Variants in GLRA3 observed in about 807,000 individuals in gnomAD.
The protein encoded by GLRA3 is glycine receptor subunit alpha-3.
In GLRA3, 44 loss-of-function variants were observed where a neutral mutation model predicts 60.4. That is an observed-to-expected ratio of 0.73 (90% CI 0.57 to 0.94). The LOEUF (loss-of-function observed/expected upper bound fraction) is 0.94. Ranked by LOEUF, GLRA3 falls within the 40% of genes least tolerant of loss-of-function variation. The pLI, the probability that GLRA3 is intolerant of heterozygous loss-of-function variation, is 0.00. For missense variants in GLRA3, 508 were observed against 564.6 expected (o/e 0.90, Z 1.02); for synonymous variants, 223 against 192.9 (o/e 1.16, Z -1.29).
chr4:174,810,072 T>C (rs991005765), intron 1 of GLRA3, among the ~76,000 whole-genome samples: 3 of 152,292 alleles, frequency 2.0e-5, no homozygotes, highest in Admixed American at 1.3e-4. Context: ...GTCTGAGGAC[T>C]CTGGATTCTG....
intron 7 of GLRA3, among the ~76,000 whole-genome samples, chr4:174,676,347 A>G (rs1734115965): frequency 7.3e-6 from 1 of 136,322 alleles, no homozygotes; most frequent in Non-Finnish European, 1.6e-5. Context: ...TATATACCAT[A>G]TTGGGCTCAG....
chr4:174,774,891 G>C (rs1738532572), intron 2 of GLRA3, among the ~76,000 whole-genome samples: 1 of 152,096 alleles, frequency 6.6e-6, no homozygotes, highest in South Asian at 2.1e-4. Context: ...GTTTTTATTT[G>C]TAGTAAATAC....
intron 9 of GLRA3, among the ~76,000 whole-genome samples, chr4:174,649,973 T>A (rs1356850070): frequency 6.6e-6 from 1 of 152,136 alleles, no homozygotes; most frequent in East Asian, 1.9e-4. Flanking sequence ...CAGATCATTG[T>A]CAAAAGTAAG....
At chr4:174,756,045 A>G (rs1737683744) in intron 3 of GLRA3, among the ~76,000 whole-genome samples, 1 of 152,156 alleles carries the variant, frequency 6.6e-6, no homozygotes, top group South Asian at 2.1e-4. Context: ...AAACAAAACT[A>G]TTACAAAACT....
rs892165114 is a variant in GLRA3 at position 174,808,930 on chromosome 4, A to G, written c.71+19811T>C. Among the ~76,000 whole-genome samples the G allele has an allele frequency of 8.5e-5, 13 of 152,218 alleles. 1 individual carries two copies. In the South Asian group the frequency reaches 1.2e-3, roughly 15 times the overall value. On this transcript the variant is annotated intron_variant, in intron 1 of 9. Transcript: ENST00000274093. The stretch of plus-strand genomic sequence containing the variant: ...AAAAATTTAAAAAAATTGAAAGTTT[A>G]TAAAGTAAGAGTTACCGTAAGAAAG...
intron 3 of GLRA3, among the ~76,000 whole-genome samples, chr4:174,766,252 AATC>A (rs1484808535): frequency 6.6e-6 from 1 of 152,016 alleles, no homozygotes; most frequent in African/African-American, 2.4e-5. Context: ...CTAATTTAAG[AATC>A]ATCATCTATA....
At chr4:174,766,824 CTG>C in intron 3 of GLRA3, 137 bp downstream of exon 3, 1 of 523,988 alleles carries the variant, frequency 1.9e-6, no homozygotes, top group Non-Finnish European at 3.4e-6. Context: ...CTGCAGGTGA[CTG>C]TAATTTAATT....
chr4:174,788,942 A>T lies in GLRA3; in HGVS notation c.73T>A (p.Leu25Met), dbSNP rs144360619. The T allele has an allele frequency of 1.3e-6, 2 of 1,572,658 alleles. No individual in the cohort carries two copies. The highest frequency in any genetic ancestry group is 2.7e-5 in the African/African-American group (2 of 73,048). ...CTGTCTGTTTCCTTTGTGGCAACCA[A>T]ACTACAAATAAGAACAAAAATATAG... ...YFWEAALLLS[L>M]VATKETDSAR... The change falls in exon 2 of 10, where the codon TTG becomes ATG. Residue 25 changes from leucine to methionine, a missense_variant and splice_region_variant. Around this residue, in one of 3 missense-constraint regions of GLRA3, gnomAD observed 329 missense variants for 349.3 expected, o/e 0.94. Coordinates refer to ENST00000274093, the MANE Select transcript of GLRA3 (RefSeq NM_006529.4).
chr4:174,661,845 G>A (rs1380356916), intron 7 of GLRA3, among the ~76,000 whole-genome samples: 1 of 152,130 alleles, frequency 6.6e-6, no homozygotes, highest in Non-Finnish European at 1.5e-5. Context: ...GGAAAAAACA[G>A]ACAACTTTAA....
chr4:174,668,571 T>A (rs1436112483), intron 7 of GLRA3, among the ~76,000 whole-genome samples: 1 of 152,196 alleles, frequency 6.6e-6, no homozygotes, highest in Non-Finnish European at 1.5e-5. Context: ...TGGGCAAAGA[T>A]ATATTTGATG....
At chr4:174,692,903 T>C (rs1469068950) in intron 5 of GLRA3, among the ~76,000 whole-genome samples, 4 of 145,260 alleles carry the variant, frequency 2.8e-5, no homozygotes, top group Admixed American at 7.1e-5. Flanking sequence ...CCTGCCAAAT[T>C]CCCCTCTGCG....
chr4:174,792,649 C>T (rs529313020), intron 1 of GLRA3, among the ~76,000 whole-genome samples: 9 of 152,232 alleles, frequency 5.9e-5, no homozygotes, highest in Middle Eastern at 6.8e-3. Flanking sequence ...ATATTGTGTG[C>T]CCACACTATT....
intron 1 of GLRA3, among the ~76,000 whole-genome samples, chr4:174,824,927 CT>C (rs1288049994): frequency 1.3e-5 from 2 of 152,114 alleles, no homozygotes; most frequent in Non-Finnish European, 2.9e-5. Flanking sequence ...GTGAATAAAT[CT>C]TGTTAAATTG....
intron 9 of GLRA3, among the ~76,000 whole-genome samples, chr4:174,650,278 A>G (rs144930827): frequency 6.6e-6 from 1 of 152,330 alleles, no homozygotes; most frequent in African/African-American, 2.4e-5. Context: ...GCCCCACTGT[A>G]TAAAGTAACC....
At chr4:174,707,726 A>G (rs1422148422) in intron 5 of GLRA3, among the ~76,000 whole-genome samples, 1 of 152,234 alleles carries the variant, frequency 6.6e-6, no homozygotes, top group African/African-American at 2.4e-5. Flanking sequence ...ATCATCACAT[A>G]GATTTTAAAA....
At chr4:174,786,672 G>A (rs1179825176) in intron 2 of GLRA3, among the ~76,000 whole-genome samples, 1 of 152,166 alleles carries the variant, frequency 6.6e-6, no homozygotes, top group Non-Finnish European at 1.5e-5. Flanking sequence ...AAGTATGTTT[G>A]CTGAAGTCAA....
intron 1 of GLRA3, among the ~76,000 whole-genome samples, chr4:174,790,093 T>C (rs570795545): frequency 6.6e-6 from 1 of 152,204 alleles, no homozygotes; most frequent in Non-Finnish European, 1.5e-5. Flanking sequence ...GGTGATAATA[T>C]GAGAATGAGA....
chr4:174,659,673 TAAG>T (rs1733360775), intron 7 of GLRA3, among the ~76,000 whole-genome samples: 1 of 152,164 alleles, frequency 6.6e-6, no homozygotes, highest in African/African-American at 2.4e-5. Context: ...AGACATGTTA[TAAG>T]AATAGTGCAA....
chr4:174,813,189 A>G (rs1740338872), intron 1 of GLRA3, among the ~76,000 whole-genome samples: 1 of 152,206 alleles, frequency 6.6e-6, no homozygotes, highest in Non-Finnish European at 1.5e-5. Context: ...AAGATTAAAT[A>G]TTGTCCTATA....
Sources: allele counts gnomAD v4.1 joint callset (sites outside exome capture counted in the v4.1 genomes callset), GRCh38; gene constraint gnomAD v4.1.1; regional missense constraint gnomAD v4.1.1; transcripts MANE v1.5; gene names NCBI Gene and HGNC (gene_info 2026-07-23, HGNC 2026-07-21).